The following RNF19A variants were observed in gnomAD, a reference collection of about 807,000 sequenced individuals.
RNF19A encodes the protein ring finger protein 19A, RBR E3 ubiquitin protein ligase, also known as E3 ubiquitin-protein ligase RNF19A.
A neutral mutation model predicts 75.7 loss-of-function variants in RNF19A; 32 were observed. That is an observed-to-expected ratio of 0.42 (90% CI 0.32 to 0.57). The LOEUF is 0.57. RNF19A is among the 20% of genes least tolerant of loss of function. The probability of loss-of-function intolerance (pLI) is 0.10; values close to 1 mark genes in which losing one functional copy is unlikely to be tolerated. For missense variants in RNF19A, 782 were observed against 1,036.3 expected (o/e 0.75, Z 3.37); for synonymous variants, 335 against 345.2 (o/e 0.97, Z 0.33).
intron 5 of RNF19A, among the ~76,000 whole-genome samples, chr8:100,265,725 G>T (rs1355393572): frequency 2.0e-5 from 3 of 152,196 alleles, no homozygotes; most frequent in Admixed American, 6.5e-5. Context: ...AAAGTACGAT[G>T]AGTGTTGTGG....
chr8:100,264,938 C>G lies in RNF19A; in HGVS notation c.1192-153G>C, dbSNP rs1365007965. Among the ~76,000 whole-genome samples the G allele has an allele frequency of 6.6e-6, 1 of 152,184 alleles. No homozygotes were observed. The highest frequency in any genetic ancestry group is 1.5e-5 in the Non-Finnish European group (1 of 68,030). On this transcript the variant is annotated intron_variant, in intron 5 of 9. Transcript: ENST00000341084. This position sits in a 1 kb window ranked among gnomAD's most constrained non-coding sequence, Gnocchi z 4.7. Reference sequence around the variant, plus strand: ...AGGTAAACCTACTAGTGTCCTTAAACTATTATATATTCTCACAAATAATTT... The same window carrying G: ...AGGTAAACCTACTAGTGTCCTTAAAGTATTATATATTCTCACAAATAATTT...
intron 1 of RNF19A, among the ~76,000 whole-genome samples, chr8:100,302,858 G>A (rs1387504437): frequency 6.6e-6 from 1 of 152,132 alleles, no homozygotes; most frequent in Non-Finnish European, 1.5e-5. Context: ...AAAGAGCAAA[G>A]AAGGAGCAAG....
chr8:100,274,488 T>C (rs1820408660), intron 3 of RNF19A, among the ~76,000 whole-genome samples: 1 of 152,228 alleles, frequency 6.6e-6, no homozygotes, highest in Admixed American at 6.5e-5. Flanking sequence ...TGTTAAAATT[T>C]CATGTGACTT....
In RNF19A at chr8:100,260,363, T is replaced by C. The variant is rs1819654662; in HGVS notation, c.1683-366A>G. Among the ~76,000 whole-genome samples the C allele has an allele frequency of 6.6e-6, 1 of 152,196 alleles. No individual in the cohort carries two copies. The highest frequency in any genetic ancestry group is 2.1e-4 in the South Asian group (1 of 4,830). ...TTAATCATTAAACATGACACACCAA[T>C]GAATCCAAAAATCCTGGGCATCTAT... On this transcript the variant is annotated intron_variant, in intron 8 of 9. Transcript: ENST00000341084. This position sits in a 1 kb window ranked among gnomAD's most constrained non-coding sequence, Gnocchi z 4.1.
intron 1 of RNF19A, among the ~76,000 whole-genome samples, chr8:100,303,627 A>G (rs561894733): frequency 6.6e-6 from 1 of 152,306 alleles, no homozygotes; most frequent in Non-Finnish European, 1.5e-5. Flanking sequence ...ACGTTTGTGC[A>G]TAATTTTAAA....
At chr8:100,311,254 G>A (rs917746664), upstream of RNF19A, among the ~76,000 whole-genome samples, 1 of 152,152 alleles carries the variant, frequency 6.6e-6, no homozygotes, top group African/African-American at 2.4e-5. Flanking sequence ...GAATCTTAAA[G>A]GAAGTAATTA....
At chr8:100,274,879 A>G (rs2129701788) in intron 3 of RNF19A, 74 bp downstream of exon 3, 1 of 1,183,124 alleles carries the variant, frequency 8.5e-7, no homozygotes, top group East Asian at 2.5e-5. Context: ...AAACAGGAAT[A>G]CTTAACTTTA....
intron 3 of RNF19A, 127 bp from the exon 4 acceptor site, chr8:100,270,140 T>A (rs1295024413): frequency 2.9e-6 from 2 of 697,794 alleles, no homozygotes; most frequent in Non-Finnish European, 4.2e-6. Flanking sequence ...AGCTTCAGCC[T>A]GCTGTTTTTA....
At chr8:100,296,041 T>A (rs1821541112) in intron 1 of RNF19A, among the ~76,000 whole-genome samples, 1 of 150,248 alleles carries the variant, frequency 6.7e-6, no homozygotes, top group South Asian at 2.1e-4. Context: ...TTCCCCAACA[T>A]AACTACCAAA....
At position 100,285,916 on chromosome 8, in the gene RNF19A, T is replaced by C. The variant is rs61711991; in HGVS notation, c.674+1585A>G. On this transcript the variant is annotated intron_variant, in intron 2 of 9. Transcript: ENST00000341084. The stretch of plus-strand genomic sequence containing the variant: ...CTCTTTCTGTAGATGAAACATAACA[T>C]AGACATATTCCTCAGTACCTGAACT... 5.2e-3 allele frequency among the ~76,000 whole-genome samples: 786 copies of C among 152,296 alleles called. 10 individuals are homozygous for C. Among genetic ancestry groups the C allele is most frequent in the African/African-American group, 0.018 (768 of 41,546 alleles).
At chr8:100,321,132 G>A (rs1822460468) in intron 1 of RNF19A, among the ~76,000 whole-genome samples, 1 of 152,178 alleles carries the variant, frequency 6.6e-6, no homozygotes, top group South Asian at 2.1e-4. Context: ...AATGAAGTTT[G>A]CCACATCAAT....
At chr8:100,297,791 T>A (rs886991365) in intron 1 of RNF19A, among the ~76,000 whole-genome samples, 2 of 152,220 alleles carry the variant, frequency 1.3e-5, no homozygotes, top group African/African-American at 4.8e-5. Flanking sequence ...CAATTATCTA[T>A]CTTACTCACC....
chr8:100,272,857 C>A (rs553448083), intron 3 of RNF19A, among the ~76,000 whole-genome samples: 1 of 149,034 alleles, frequency 6.7e-6, no homozygotes, highest in East Asian at 2.0e-4. Flanking sequence ...GCCCTCACTG[C>A]ATTTCTAATT....
intron 2 of RNF19A, among the ~76,000 whole-genome samples, chr8:100,283,203 G>A (rs893378234): frequency 2.0e-5 from 3 of 152,264 alleles, no homozygotes; most frequent in African/African-American, 7.2e-5. Context: ...GATAATGTGC[G>A]CTGGTAGCAG....
At chr8:100,283,544 AG>A (rs758932752) in intron 2 of RNF19A, among the ~76,000 whole-genome samples, 7 of 152,170 alleles carry the variant, frequency 4.6e-5, no homozygotes, top group Admixed American at 2.6e-4. Context: ...CCTTCAAACA[AG>A]TATGATCAGT....
At chr8:100,301,783 G>A (rs1194252252) in intron 1 of RNF19A, among the ~76,000 whole-genome samples, 2 of 152,180 alleles carry the variant, frequency 1.3e-5, no homozygotes, top group Non-Finnish European at 2.9e-5. Flanking sequence ...TTTACTAGAA[G>A]GTGGGGAAAA....
At position 100,268,822 on chromosome 8, in the gene RNF19A, G is replaced by A; in HGVS notation, c.1154C>T (p.Ala385Val). Residue 385 changes from alanine (A) to valine (V), a missense_variant, in exon 5 of 10, where the codon GCA becomes GTA. Physicochemically the swap from Ala to Val is moderately conservative, Grantham distance 64 (BLOSUM62 0). Transcript: ENST00000341084. ...IALIAGIAIP[A>V]MIIGIPVYVG... ...ATACACAGGAATGCCAATAATCATT[G>A]CAGGAATAGCAATGCCAGCTATTAA... 6.3e-7 allele frequency: 1 copy of A among 1,591,736 alleles called. No individual in the cohort carries two copies. The highest frequency in any genetic ancestry group is 8.6e-7 in the Non-Finnish European group (1 of 1,167,074).
intron 1 of RNF19A, among the ~76,000 whole-genome samples, chr8:100,320,430 G>A (rs1822450189): frequency 6.6e-6 from 1 of 152,162 alleles, no homozygotes; most frequent in South Asian, 2.1e-4. Flanking sequence ...GTTTCTCTAG[G>A]TTATATGCCT....
chr8:100,293,390 A>G (rs192538548), intron 1 of RNF19A, among the ~76,000 whole-genome samples: 16 of 152,344 alleles, frequency 1.1e-4, no homozygotes, highest in Non-Finnish European at 2.9e-5. Context: ...CTCCAGGTTG[A>G]TATCTTTATC....
Sources: allele counts gnomAD v4.1 joint callset (sites outside exome capture counted in the v4.1 genomes callset), GRCh38; gene constraint gnomAD v4.1.1; non-coding constraint Gnocchi (gnomAD v3.1); transcripts MANE v1.5; gene names NCBI Gene and HGNC (gene_info 2026-07-23, HGNC 2026-07-21).